Variants in PTPRK observed in about 807,000 individuals in gnomAD.
The protein encoded by PTPRK is protein tyrosine phosphatase receptor type K, also known as receptor-type tyrosine-protein phosphatase kappa.
In PTPRK, 75 loss-of-function variants were observed where a neutral mutation model predicts 178.0. That is an observed-to-expected ratio of 0.42 (90% CI 0.35 to 0.51). The LOEUF is 0.51. Ranked by LOEUF, PTPRK falls within the 20% of genes least tolerant of loss-of-function variation. The pLI is 0.02. For missense variants in PTPRK, 1,441 were observed against 1,797.8 expected (o/e 0.80, Z 3.59); for synonymous variants, 637 against 620.6 (o/e 1.03, Z -0.39).
At chr6:128,228,696 A>C (rs184376599) in intron 5 of PTPRK, among the ~76,000 whole-genome samples, 6 of 151,460 alleles carry the variant, frequency 4.0e-5, no homozygotes, top group Middle Eastern at 3.4e-3. Flanking sequence ...ACAACAACAA[A>C]AAATTTTCTA....
At chr6:128,410,136 C>T (rs1028190889) in intron 1 of PTPRK, among the ~76,000 whole-genome samples, 2 of 152,158 alleles carry the variant, frequency 1.3e-5, no homozygotes, top group African/African-American at 4.8e-5. Flanking sequence ...GGAAGTAAGA[C>T]ATGAAAATCA....
chr6:128,317,249 G>T (rs970956399), intron 3 of PTPRK, among the ~76,000 whole-genome samples: 1 of 152,180 alleles, frequency 6.6e-6, no homozygotes, highest in African/African-American at 2.4e-5. Flanking sequence ...GTGCATGAAG[G>T]TAAGAAACAT....
At chr6:128,003,796 T>C (rs980696975) in intron 15 of PTPRK, among the ~76,000 whole-genome samples, 5 of 151,826 alleles carry the variant, frequency 3.3e-5, no homozygotes, top group Non-Finnish European at 7.4e-5. Flanking sequence ...AAACTTACTT[T>C]CAACAGTAAT....
In PTPRK at chr6:128,294,145, C is replaced by T. The variant is rs367712177; in HGVS notation, c.495+27894G>A. Among the ~76,000 whole-genome samples, 41 of 152,080 alleles carry T rather than the reference C, an allele frequency of 2.7e-4. 1 individual carries two copies. The South Asian group carries it at 8.3e-3, about 31-fold the overall frequency. On this transcript the variant is annotated intron_variant, in intron 3 of 29. Coordinates refer to ENST00000368226, the MANE Select transcript of PTPRK (RefSeq NM_002844.4). ...AAACTAAGTACATTATTTAAATGTA[C>T]ACTGTAATTAACGGTTTATTTTAGT...
At chr6:128,174,332 C>G in intron 7 of PTPRK, among the ~76,000 whole-genome samples, 1 of 151,846 alleles carries the variant, frequency 6.6e-6, no homozygotes, top group East Asian at 1.9e-4. Flanking sequence ...GGAAAAGAAA[C>G]CCTCATTTGT....
chr6:128,336,286 T>C (rs939248221), intron 2 of PTPRK, among the ~76,000 whole-genome samples: 1 of 152,088 alleles, frequency 6.6e-6, no homozygotes, highest in Non-Finnish European at 1.5e-5. Context: ...TAAGGCTCAA[T>C]GGGTAAACAC....
chr6:128,181,928 C>G (rs1223648177), intron 7 of PTPRK, among the ~76,000 whole-genome samples: 3 of 152,048 alleles, frequency 2.0e-5, no homozygotes, highest in African/African-American at 7.2e-5. Context: ...TCTTTATTTT[C>G]TAATAACAGA....
chr6:128,510,796 G>C (rs988613025), intron 1 of PTPRK, among the ~76,000 whole-genome samples: 1 of 151,692 alleles, frequency 6.6e-6, no homozygotes, highest in East Asian at 1.9e-4. Flanking sequence ...TCAGAAATTT[G>C]GAATACAAGC....
chr6:128,508,425 T>C (rs1255493723), intron 1 of PTPRK, among the ~76,000 whole-genome samples: 1 of 152,210 alleles, frequency 6.6e-6, no homozygotes, highest in Non-Finnish European at 1.5e-5. Context: ...TGTTCTAGCT[T>C]ATCACGAAAA....
At chr6:128,160,892 T>A (rs987792930) in intron 7 of PTPRK, among the ~76,000 whole-genome samples, 2 of 151,608 alleles carry the variant, frequency 1.3e-5, no homozygotes, top group Non-Finnish European at 3.0e-5. Flanking sequence ...CTTTAATGCT[T>A]TAGTGACCAA....
chr6:128,010,986 A>G (rs1562431261), intron 13 of PTPRK, among the ~76,000 whole-genome samples: 1 of 151,256 alleles, frequency 6.6e-6, no homozygotes, highest in Non-Finnish European at 1.5e-5. Flanking sequence ...CAAAACATGT[A>G]GTAAATATGT....
chr6:128,061,847 A>AT (rs934823569), intron 13 of PTPRK, among the ~76,000 whole-genome samples: 2 of 152,098 alleles, frequency 1.3e-5, no homozygotes, highest in African/African-American at 4.8e-5. Flanking sequence ...TGTATAATTC[A>AT]TTTTTTTATA....
chr6:128,260,898 T>C (rs1028703219), intron 3 of PTPRK, among the ~76,000 whole-genome samples: 10 of 152,200 alleles, frequency 6.6e-5, no homozygotes, highest in Admixed American at 2.6e-4. Flanking sequence ...AATGATATAG[T>C]TGTCCTCTAA....
intron 11 of PTPRK, among the ~76,000 whole-genome samples, chr6:128,073,177 T>G (rs577644809): frequency 2.6e-5 from 4 of 152,228 alleles, no homozygotes; most frequent in African/African-American, 9.6e-5. Flanking sequence ...ATCCAGTTCA[T>G]TTGTTCACCA....
At chr6:128,094,573 CAAT>C (rs1331076220) in intron 7 of PTPRK, among the ~76,000 whole-genome samples, 6 of 152,002 alleles carry the variant, frequency 3.9e-5, no homozygotes, top group Non-Finnish European at 7.4e-5. Flanking sequence ...TAAAATGATC[CAAT>C]AATTTCTTAC....
At position 128,013,892 on chromosome 6, in the gene PTPRK, C is replaced by T. The variant is rs184802436; in HGVS notation, c.2195-4624G>A. ...ACCTCAAAACCCACATTGTAGCACA[C>T]GGTATTTTCTAGGATTTCAACTGTA... On this transcript the variant is annotated intron_variant, in intron 13 of 29. Coordinates refer to ENST00000368226, the MANE Select transcript of PTPRK (RefSeq NM_002844.4). Among the ~76,000 whole-genome samples, 12 of 151,590 alleles carry T rather than the reference C, an allele frequency of 7.9e-5. No homozygotes were observed. The East Asian group carries it at 9.7e-4, about 12-fold the overall frequency.
intron 1 of PTPRK, among the ~76,000 whole-genome samples, chr6:128,475,757 G>A (rs1851299253): frequency 6.6e-6 from 1 of 151,944 alleles, no homozygotes; most frequent in South Asian, 2.1e-4. Context: ...AGCACAGGCT[G>A]GGCTGAAAAA....
In PTPRK at chr6:128,319,859, T is replaced by C. The variant is rs149855474; in HGVS notation, c.495+2180A>G. Among the ~76,000 whole-genome samples the C allele has an allele frequency of 7.9e-3, 1,207 of 152,268 alleles. 11 individuals are homozygous for C. The highest frequency in any genetic ancestry group is 0.02 in the Middle Eastern group (6 of 294). On this transcript the variant is annotated intron_variant, in intron 3 of 29. Coordinates refer to ENST00000368226, the MANE Select transcript of PTPRK (RefSeq NM_002844.4). ...GTACAGGTACAACTAATAATCTAAA[T>C]GATTAAATTGATAAAAACATCAAAC...
chr6:127,978,752 G>T (rs1774907910), intron 25 of PTPRK, among the ~76,000 whole-genome samples: 1 of 152,138 alleles, frequency 6.6e-6, no homozygotes, highest in Non-Finnish European at 1.5e-5. Context: ...GAAGACTGAA[G>T]ACTTCCTATT....
Sources: gnomAD v4.1 joint callset for allele counts (sites outside exome capture counted in the v4.1 genomes callset) on GRCh38, gnomAD v4.1.1 for gene constraint, MANE v1.5 for transcripts, NCBI Gene and HGNC (gene_info 2026-07-23, HGNC 2026-07-21) for gene names.